MGLL: variants seen among roughly 807,000 people sequenced by gnomAD.
The protein encoded by MGLL is monoglyceride lipase.
A neutral mutation model predicts 29.1 loss-of-function variants in MGLL; 7 were observed. The observed-to-expected ratio is 0.24, with a 90% CI of 0.14 to 0.45. The LOEUF is 0.45. MGLL is among the 20% of genes least tolerant of loss of function. The pLI is 0.99. For missense variants in MGLL, 356 were observed against 413.6 expected (o/e 0.86, Z 1.21); for synonymous variants, 148 against 168.3 (o/e 0.88, Z 0.93).
At chr3:127,796,635 A>G (rs1271397741) in intron 2 of MGLL, among the ~76,000 whole-genome samples, 1 of 152,074 alleles carries the variant, frequency 6.6e-6, no homozygotes, top group African/African-American at 2.4e-5. Flanking sequence ...CTATCATACA[A>G]CCCTCAAAAC....
At chr3:127,750,396 T>G (rs2076536064) in intron 3 of MGLL, among the ~76,000 whole-genome samples, 1 of 152,148 alleles carries the variant, frequency 6.6e-6, no homozygotes. Flanking sequence ...GGAGACGGTC[T>G]CCACATCTCC....
intron 2 of MGLL, among the ~76,000 whole-genome samples, chr3:127,819,570 C>T (rs1025813366): frequency 3.9e-5 from 6 of 151,992 alleles, no homozygotes; most frequent in South Asian, 4.1e-4. Context: ...TGGGAGGAGA[C>T]AGGATTGCAC....
chr3:127,754,225 G>C (rs115955659), intron 3 of MGLL, among the ~76,000 whole-genome samples: 3 of 152,100 alleles, frequency 2.0e-5, no homozygotes, highest in African/African-American at 7.2e-5. Context: ...AGGCACTGCC[G>C]CCCACTCCCC....
intron 2 of MGLL, among the ~76,000 whole-genome samples, chr3:127,788,618 C>T (rs2077252623): frequency 6.6e-6 from 1 of 152,200 alleles, no homozygotes; most frequent in African/African-American, 2.4e-5. Context: ...CACACCCCCT[C>T]TGTCTATGAC....
At chr3:127,704,667 A>T (rs2075564470) in intron 6 of MGLL, among the ~76,000 whole-genome samples, 1 of 152,246 alleles carries the variant, frequency 6.6e-6, no homozygotes, top group Admixed American at 6.5e-5. Context: ...TCATCAGAGA[A>T]ATGCAAATCA....
intron 2 of MGLL, among the ~76,000 whole-genome samples, chr3:127,789,268 T>G (rs2077263100): frequency 6.6e-6 from 1 of 152,150 alleles, no homozygotes; most frequent in Admixed American, 6.5e-5. Context: ...TCATCCCCTG[T>G]GGGCTCAGCT....
At chr3:127,767,773 A>G (rs1337468745) in intron 3 of MGLL, among the ~76,000 whole-genome samples, 1 of 152,238 alleles carries the variant, frequency 6.6e-6, no homozygotes, top group Non-Finnish European at 1.5e-5. Flanking sequence ...CTATTAAGCA[A>G]TAGAATTCAA....
intron 6 of MGLL, among the ~76,000 whole-genome samples, chr3:127,701,215 C>CAAAAAAAAAAAA (rs60128956): frequency 0.01 from 566 of 56,114 alleles, 53 homozygotes; most frequent in East Asian, 0.032. Flanking sequence ...ACCCTGCCTC[C>CAAAAAAAAAAAA]AAAAAAAAAA....
intron 3 of MGLL, among the ~76,000 whole-genome samples, chr3:127,740,627 G>A (rs1236631292): frequency 1.3e-5 from 2 of 152,194 alleles, no homozygotes; most frequent in African/African-American, 2.4e-5. Flanking sequence ...CACCCCAAGG[G>A]AAGTGGCCTG....
chr3:127,743,920 C>A (rs1189999068), intron 3 of MGLL, among the ~76,000 whole-genome samples: 1 of 152,158 alleles, frequency 6.6e-6, no homozygotes, highest in Non-Finnish European at 1.5e-5. Flanking sequence ...TTTTCGTCCC[C>A]CCGACTACCA....
rs570592536 is a variant in MGLL, at chr3:127,704,258, C to T, written c.600+6318G>A. ...TGGATTAAAGACTTAAATGTAAAAC[C>T]CAAAACTATAAAATCCCTAGAAGAA... On this transcript the variant is annotated intron_variant, in intron 6 of 7. Transcript: ENST00000265052. Among the ~76,000 whole-genome samples the T allele has an allele frequency of 8.5e-5, 13 of 152,214 alleles. No homozygotes were observed. The South Asian group carries it at 2.5e-3, about 29-fold the overall frequency.
In MGLL at chr3:127,822,405, C is replaced by T; in HGVS notation, c.-87G>A. On this transcript the variant is annotated 5_prime_UTR_variant, in exon 1 of 8. Coordinates refer to ENST00000265052, the MANE Select transcript of MGLL (RefSeq NM_007283.7). ...GGGCTGTTCCCTCATCTGGGCGGCCCCAAGGCAGCAGGAAGGCAGCTCCGA... is the reference window on the plus strand; with the variant it reads ...GGGCTGTTCCCTCATCTGGGCGGCCTCAAGGCAGCAGGAAGGCAGCTCCGA... 1 of 1,459,334 alleles carries T rather than the reference C, an allele frequency of 6.9e-7. No homozygotes were observed. Among genetic ancestry groups the T allele is most frequent in the East Asian group, 2.3e-5 (1 of 43,698 alleles). The allele number at this position is 1,459,334 out of a possible 1,614,324, so 90.4% of individuals were successfully genotyped here. A position where few individuals can be genotyped will look rare whatever the true frequency, so the allele number is the denominator to read the frequency against.
chr3:127,779,117 A>G (rs2077082736), intron 3 of MGLL, among the ~76,000 whole-genome samples: 1 of 143,790 alleles, frequency 7.0e-6, no homozygotes, highest in African/African-American at 2.5e-5. Flanking sequence ...TGTAACCCCA[A>G]TACTTTGGGA....
At position 127,726,140 on chromosome 3, in the gene MGLL, GAAAGAAA is replaced by G. The variant is rs1559926089; in HGVS notation, c.263-3581_263-3575del. Among the ~76,000 whole-genome samples the G allele has an allele frequency of 5.3e-4, 12 of 22,456 alleles. No individual in the cohort carries two copies. The East Asian group carries it at 9.5e-3, about 18-fold the overall frequency. The allele number at this position is 22,456 out of a possible 152,430, so 14.7% of individuals were successfully genotyped here. ...AGCAGGAAAGAAAGAAAGAAAGAAA[GAAAGAAA>G]GAAAGAAAGAAAGAAAGAAAGAAAG... On this transcript the variant is annotated intron_variant, in intron 3 of 7. Transcript: ENST00000265052.
intron 2 of MGLL, among the ~76,000 whole-genome samples, chr3:127,804,839 A>ACC: frequency 6.6e-6 from 1 of 152,038 alleles, no homozygotes; most frequent in East Asian, 1.9e-4. Context: ...AGGCACCTCG[A>ACC]CCCCTGGAGA....
intron 3 of MGLL, among the ~76,000 whole-genome samples, chr3:127,764,491 G>T (rs990493857): frequency 3.9e-5 from 6 of 152,214 alleles, no homozygotes; most frequent in African/African-American, 1.4e-4. Flanking sequence ...GGCCACAGTT[G>T]TGCTCTGCTG....
chr3:127,733,257 T>A (rs1009594277), intron 3 of MGLL, among the ~76,000 whole-genome samples: 1 of 152,144 alleles, frequency 6.6e-6, no homozygotes, highest in Admixed American at 6.5e-5. Context: ...GTCAGGAAGT[T>A]ACCCAGTATA....
At chr3:127,708,406 G>A (rs1486498630) in intron 6 of MGLL, among the ~76,000 whole-genome samples, 1 of 152,214 alleles carries the variant, frequency 6.6e-6, no homozygotes, top group Non-Finnish European at 1.5e-5. Context: ...GAGGCAGGAG[G>A]GCTCGGATGG....
rs917385204 is a variant in MGLL, at chr3:127,727,410, C to T, written c.263-4844G>A. 1.1e-4 allele frequency among the ~76,000 whole-genome samples: 16 copies of T among 151,898 alleles called. 1 individual carries two copies. Among genetic ancestry groups the T allele is most frequent in the Admixed American group, 9.8e-4 (15 of 15,250 alleles). ...AAAAATGAGTCCATATAGATATTTT[C>T]AACTATAAATCAATGTTCTGGCTAG... On this transcript the variant is annotated intron_variant, in intron 3 of 7. Coordinates refer to ENST00000265052, the MANE Select transcript of MGLL (RefSeq NM_007283.7).
Sources: allele counts gnomAD v4.1 joint callset (sites outside exome capture counted in the v4.1 genomes callset), GRCh38; gene constraint gnomAD v4.1.1; transcripts MANE v1.5; gene names NCBI Gene and HGNC (gene_info 2026-07-23, HGNC 2026-07-21).